CSMD1: variants seen among roughly 807,000 people sequenced by gnomAD.
The protein encoded by CSMD1 is CUB and sushi domain-containing protein 1.
A neutral mutation model predicts 417.5 loss-of-function variants in CSMD1; 213 were observed. The observed-to-expected ratio is 0.51, with a 90% CI of 0.46 to 0.57. The LOEUF (loss-of-function observed/expected upper bound fraction) is 0.57, where lower values mean the gene tolerates loss of function less well. Ranked by LOEUF, CSMD1 falls within the 20% of genes least tolerant of loss-of-function variation. CSMD1 has a pLI of 0.00. For synonymous variants in CSMD1, 2,862 were observed against 1,736.8 expected, an observed-to-expected ratio of 1.65 and a Z score of -16.11; for missense variants, 6,923 against 4,529.7, an observed-to-expected ratio of 1.53 and a Z score of -15.17.
At chr8:4,151,434 T>G (rs746027401) in intron 3 of CSMD1, among the ~76,000 whole-genome samples, 5 of 152,210 alleles carry the variant, frequency 3.3e-5, no homozygotes, top group African/African-American at 1.2e-4. Flanking sequence ...TCTGAGACAT[T>G]TGTAATTGCA....
rs575704975 is a variant in CSMD1, at chr8:4,126,958, C to G, written c.416-94859G>C. On this transcript the variant is annotated intron_variant, in intron 3 of 69. Coordinates refer to ENST00000635120, the MANE Select transcript of CSMD1 (RefSeq NM_033225.6). The stretch of plus-strand genomic sequence containing the variant: ...TGGAAGAGACCCTGCAGGTGAGGAC[C>G]TACACTGTCAAGCTGATGCTGGTGC... Among the ~76,000 whole-genome samples the G allele has an allele frequency of 3.9e-5, 6 of 152,204 alleles. No individual in the cohort carries two copies. The East Asian group carries it at 1.2e-3, about 30-fold the overall frequency.
chr8:4,161,990 G>A (rs546507602), intron 3 of CSMD1, among the ~76,000 whole-genome samples: 2 of 152,082 alleles, frequency 1.3e-5, no homozygotes, highest in Non-Finnish European at 2.9e-5. Flanking sequence ...TGGTGGCATT[G>A]TGCCTTTGAC....
chr8:4,935,813 G>C (rs1162718767), intron 1 of CSMD1, among the ~76,000 whole-genome samples: 1 of 152,234 alleles, frequency 6.6e-6, no homozygotes, highest in Non-Finnish European at 1.5e-5. Context: ...CAACTTGAGA[G>C]AGTGCTCGGC....
rs548509787 is a variant in CSMD1, at chr8:3,676,332, G to C, written c.1009+32082C>G. 6.6e-5 allele frequency among the ~76,000 whole-genome samples: 10 copies of C among 152,272 alleles called. No homozygotes were observed. The South Asian group carries it at 2.1e-3, about 32-fold the overall frequency. The stretch of plus-strand genomic sequence containing the variant: ...AGCTGTATTCTTTTCTGAAGAGCAG[G>C]TGGAGGTGGGTGGCCGCCCGCCAGG... On this transcript the variant is annotated intron_variant, in intron 7 of 69. Coordinates refer to ENST00000635120, the MANE Select transcript of CSMD1 (RefSeq NM_033225.6).
intron 5 of CSMD1, among the ~76,000 whole-genome samples, chr8:3,965,366 T>C (rs748410020): frequency 2.0e-5 from 3 of 152,200 alleles, no homozygotes; most frequent in African/African-American, 4.8e-5. Flanking sequence ...TTGAAGAGTT[T>C]GTGTGAACAA....
At chr8:4,004,479 C>G (rs1433573772) in intron 4 of CSMD1, among the ~76,000 whole-genome samples, 1 of 148,650 alleles carries the variant, frequency 6.7e-6, no homozygotes, top group African/African-American at 2.5e-5. Context: ...CCTAATTTAT[C>G]TATTATATAT....
chr8:4,931,982 A>C (rs1015679703), intron 1 of CSMD1, among the ~76,000 whole-genome samples: 2 of 152,234 alleles, frequency 1.3e-5, no homozygotes, highest in African/African-American at 4.8e-5. Flanking sequence ...TCAGGAAAAA[A>C]TTTAAAACCA....
intron 10 of CSMD1, among the ~76,000 whole-genome samples, chr8:3,527,131 G>A (rs951327720): frequency 6.6e-6 from 1 of 151,994 alleles, no homozygotes; most frequent in South Asian, 2.1e-4. Context: ...CAACATATGA[G>A]CCCTCGGATG....
chr8:3,044,902 G>A (rs897776965), intron 50 of CSMD1, among the ~76,000 whole-genome samples: 10 of 152,168 alleles, frequency 6.6e-5, no homozygotes, highest in African/African-American at 2.2e-4. Context: ...AAAGGAATGA[G>A]CCCTGGGGAA....
At chr8:4,702,354 C>G (rs1257489424) in intron 1 of CSMD1, among the ~76,000 whole-genome samples, 1 of 152,194 alleles carries the variant, frequency 6.6e-6, no homozygotes, top group East Asian at 1.9e-4. Flanking sequence ...TAAACTGACC[C>G]TCCTGCTCTC....
chr8:3,401,927 T>A (rs1812062868), intron 15 of CSMD1, among the ~76,000 whole-genome samples: 1 of 151,238 alleles, frequency 6.6e-6, no homozygotes, highest in Non-Finnish European at 1.5e-5. Flanking sequence ...AATGAGCCAA[T>A]GAGGTGTTTA....
intron 52 of CSMD1, among the ~76,000 whole-genome samples, 159 bp from the exon 53 acceptor site, chr8:3,000,290 C>CT (rs1010566067): frequency 1.2e-4 from 18 of 149,820 alleles, no homozygotes; most frequent in East Asian, 9.9e-4. Flanking sequence ...TATAGTTTTT[C>CT]TTTTTTTTAT....
intron 7 of CSMD1, among the ~76,000 whole-genome samples, chr8:3,648,319 T>C (rs1436002732): frequency 6.6e-6 from 1 of 152,244 alleles, no homozygotes; most frequent in Non-Finnish European, 1.5e-5. Context: ...CTTGCTGAAA[T>C]AATAGTTGTT....
Position 3,157,963 on chromosome 8 carries a change from G to C in CSMD1, c.5848C>G (p.Arg1950Gly). 1 of 1,553,142 alleles carries C rather than the reference G, an allele frequency of 6.4e-7. No homozygotes were observed. Among genetic ancestry groups the C allele is most frequent in the Non-Finnish European group, 8.7e-7 (1 of 1,147,756 alleles). Residue 1950 changes from arginine (R) to glycine (G), a missense_variant, in exon 39 of 70, where the codon CGT (arginine) becomes GGT (glycine). Physicochemically the swap from Arg to Gly is moderately radical, Grantham distance 125 (BLOSUM62 -2). Transcript: ENST00000635120. ...CCTGGCATACAGGAAATGTGGGAAC[G>C]GCCCTGTTTAAAAGAAAACAAAAGA... ...QCEPGYTLQG[R>G]SHISCMPGTV...
intron 3 of CSMD1, among the ~76,000 whole-genome samples, chr8:4,235,439 C>G (rs556287591): frequency 6.6e-6 from 1 of 151,604 alleles, no homozygotes; most frequent in Non-Finnish European, 1.5e-5. Context: ...ATGTAGTATG[C>G]CATGTCCACA....
intron 26 of CSMD1, among the ~76,000 whole-genome samples, chr8:3,251,225 T>G (rs1283321369): frequency 6.6e-6 from 1 of 152,216 alleles, no homozygotes; most frequent in Non-Finnish European, 1.5e-5. Flanking sequence ...TAACCCATCT[T>G]GAATTAATTT....
chr8:3,430,963 G>C (rs143642371), intron 12 of CSMD1, among the ~76,000 whole-genome samples: 2 of 152,052 alleles, frequency 1.3e-5, no homozygotes, highest in South Asian at 2.1e-4. Flanking sequence ...GGTTCAGTTC[G>C]GTCTTTTCTC....
intron 5 of CSMD1, among the ~76,000 whole-genome samples, chr8:3,815,536 A>G (rs992660500): frequency 2.4e-5 from 3 of 127,398 alleles, no homozygotes; most frequent in Non-Finnish European, 4.8e-5. Flanking sequence ...CAAACAAAAT[A>G]AAAGAAAAAA....
intron 7 of CSMD1, among the ~76,000 whole-genome samples, chr8:3,642,892 C>T (rs961772770): frequency 3.3e-5 from 5 of 151,568 alleles, no homozygotes; most frequent in African/African-American, 1.2e-4. Context: ...TATACATACA[C>T]ACACATATAT....
Sources: allele counts gnomAD v4.1 joint callset (sites outside exome capture counted in the v4.1 genomes callset), GRCh38; gene constraint gnomAD v4.1.1; transcripts MANE v1.5; gene names NCBI Gene and HGNC (gene_info 2026-07-23, HGNC 2026-07-21).